CACNA1E: variants seen among roughly 807,000 people sequenced by gnomAD.
The protein encoded by CACNA1E is calcium voltage-gated channel subunit alpha1 E.
Under a neutral mutation model 259.2 loss-of-function variants are expected in CACNA1E, and 40 were observed. The observed-to-expected ratio is 0.15, with a 90% CI of 0.12 to 0.20. The LOEUF (loss-of-function observed/expected upper bound fraction) is 0.20. Ranked by LOEUF, CACNA1E falls within the 10% of genes least tolerant of loss-of-function variation. The pLI is 1.00. For synonymous variants in CACNA1E, 1,104 were observed against 1,138.5 expected, an observed-to-expected ratio of 0.97 and a Z score of 0.61; for missense variants, 1,874 against 3,040.1, an observed-to-expected ratio of 0.62 and a Z score of 9.02.
At chr1:181,544,412 C>A (rs537841573) in intron 3 of CACNA1E, among the ~76,000 whole-genome samples, 158 of 141,308 alleles carry the variant, frequency 1.1e-3, no homozygotes, top group Admixed American at 4.2e-3. Flanking sequence ...AAAAAAAAAA[C>A]CCCACTGAAT....
chr1:181,678,972 A>C (rs894205843), intron 7 of CACNA1E, among the ~76,000 whole-genome samples: 2 of 152,200 alleles, frequency 1.3e-5, no homozygotes, highest in Admixed American at 6.5e-5. Context: ...AAGGCTTTTT[A>C]AGAGCCTCTA....
At chr1:181,797,023 C>T (rs567704706) in intron 47 of CACNA1E, among the ~76,000 whole-genome samples, 165 bp downstream of exon 47, 1 of 152,338 alleles carries the variant, frequency 6.6e-6, no homozygotes, top group South Asian at 2.1e-4. Context: ...CTGCTCAATG[C>T]TTGTGTACTC....
chr1:181,318,183 T>A (rs1004060745), intron 1 of CACNA1E: 2 of 152,298 alleles, frequency 1.3e-5, no homozygotes, highest in Middle Eastern at 6.8e-3. Context: ...ATGCACTGCC[T>A]GCGGGGCTGC....
At chr1:181,397,287 G>A (rs1204072126) in intron 1 of CACNA1E, among the ~76,000 whole-genome samples, 1 of 152,140 alleles carries the variant, frequency 6.6e-6, no homozygotes, top group African/African-American at 2.4e-5. Context: ...TGGGAACTCT[G>A]TCCTGAACCC....
chr1:181,334,157 C>G (rs1040799027), intron 1 of CACNA1E, among the ~76,000 whole-genome samples: 1 of 152,144 alleles, frequency 6.6e-6, no homozygotes, highest in Non-Finnish European at 1.5e-5. Context: ...TCTTGAGATA[C>G]TTGACCTAAT....
At position 181,801,642 on chromosome 1, in the gene CACNA1E, C is replaced by G. The variant is rs1000159128; in HGVS notation, c.*2808C>G. ...AAAAGTGAATGCCAGCCTTCCCTTG[C>G]TGGGTGTCAGAGTCTGCCTCCCTTG... On this transcript the variant is annotated 3_prime_UTR_variant, in exon 48 of 48. Coordinates refer to ENST00000367573, the MANE Select transcript of CACNA1E (RefSeq NM_001205293.3). 6.6e-6 allele frequency: 1 copy of G among 152,208 alleles called. No homozygotes were observed. 9.4% of individuals were successfully genotyped at this position (152,208 alleles called of 1,614,324 possible). A position where few individuals can be genotyped will look rare whatever the true frequency, so the allele number is the denominator to read the frequency against.
intron 1 of CACNA1E, among the ~76,000 whole-genome samples, chr1:181,492,999 C>T (rs1385239038): frequency 6.6e-6 from 1 of 152,098 alleles, no homozygotes; most frequent in Non-Finnish European, 1.5e-5. Context: ...GTCTAGATGG[C>T]ATCTAGATGA....
At chr1:181,698,818 G>A (rs1249074765) in intron 7 of CACNA1E, among the ~76,000 whole-genome samples, 1 of 152,144 alleles carries the variant, frequency 6.6e-6, no homozygotes, top group South Asian at 2.1e-4. Context: ...CTGTAAGACA[G>A]GCTTAAAGAA....
intron 3 of CACNA1E, among the ~76,000 whole-genome samples, chr1:181,523,588 T>C (rs562130364): frequency 6.6e-6 from 1 of 152,294 alleles, no homozygotes; most frequent in South Asian, 2.1e-4. Context: ...TCCATCTGCA[T>C]AGAAAAAGGA....
intron 1 of CACNA1E, among the ~76,000 whole-genome samples, chr1:181,375,737 C>T (rs1364301688): frequency 1.3e-5 from 2 of 152,160 alleles, no homozygotes; most frequent in African/African-American, 4.8e-5. Flanking sequence ...AGCCCCCCTT[C>T]CCCTCCTCCG....
chr1:181,701,426 G>T (rs1254465134), intron 7 of CACNA1E, among the ~76,000 whole-genome samples: 1 of 152,198 alleles, frequency 6.6e-6, no homozygotes. Context: ...TTACTTCCCT[G>T]TGGCTCATTC....
chr1:181,550,169 C>G (rs1195261204), intron 3 of CACNA1E, among the ~76,000 whole-genome samples: 2 of 151,786 alleles, frequency 1.3e-5, no homozygotes, highest in Non-Finnish European at 2.9e-5. Flanking sequence ...GGGACAGATA[C>G]AAAAAATACT....
At chr1:181,761,962 A>G (rs1226229125) in intron 32 of CACNA1E, among the ~76,000 whole-genome samples, 1 of 152,176 alleles carries the variant, frequency 6.6e-6, no homozygotes, top group Admixed American at 6.5e-5. Context: ...GATGAAGTCT[A>G]TTTATCCTAT....
intron 21 of CACNA1E, among the ~76,000 whole-genome samples, chr1:181,734,330 T>A (rs1365367716): frequency 6.6e-6 from 1 of 152,046 alleles, no homozygotes. Flanking sequence ...CACAGTTCCC[T>A]TAGGCAACAA....
chr1:181,598,276 A>C (rs906949737), intron 6 of CACNA1E, among the ~76,000 whole-genome samples: 2 of 152,126 alleles, frequency 1.3e-5, no homozygotes, highest in African/African-American at 2.4e-5. Flanking sequence ...CCTCAGGGAG[A>C]CAAGACATGC....
In CACNA1E at chr1:181,334,888, C is replaced by T. The variant is rs369240852; in HGVS notation, c.-15+16765C>T. Among the ~76,000 whole-genome samples the T allele has an allele frequency of 6.6e-5, 10 of 152,316 alleles. No homozygotes were observed. In the South Asian group the frequency reaches 2.1e-3, roughly 32 times the overall value. On this transcript the variant is annotated intron_variant, in intron 1 of 11. Transcript: ENST00000524607. Reference sequence around the variant, plus strand: ...GTAGAAGTTAGAGCCTTAAAATGGCCTATGGAGCCCTGCAGGGTCTGAGAG... The same window carrying T: ...GTAGAAGTTAGAGCCTTAAAATGGCTTATGGAGCCCTGCAGGGTCTGAGAG...
intron 1 of CACNA1E, among the ~76,000 whole-genome samples, chr1:181,356,341 C>CGTGTGTGT (rs141071408): frequency 2.0e-5 from 3 of 146,976 alleles, no homozygotes; most frequent in South Asian, 2.1e-4. Context: ...GCCTTCTATT[C>CGTGTGTGT]GTGTGTGTGT....
At chr1:181,444,136 C>T (rs1332119631) in intron 2 of CACNA1E, among the ~76,000 whole-genome samples, 1 of 152,046 alleles carries the variant, frequency 6.6e-6, no homozygotes, top group Non-Finnish European at 1.5e-5. Flanking sequence ...CTCCATTGTT[C>T]CAAGTAATTC....
rs112108090 is a variant in CACNA1E, at chr1:181,494,988, C to T, written c.266+10978C>T. 3.7e-3 allele frequency among the ~76,000 whole-genome samples: 558 copies of T among 152,214 alleles called. 2 individuals carry two copies. Among genetic ancestry groups the T allele is most frequent in the African/African-American group, 0.013 (529 of 41,530 alleles). On this transcript the variant is annotated intron_variant, in intron 1 of 47. Coordinates refer to ENST00000367573, the MANE Select transcript of CACNA1E (RefSeq NM_001205293.3). ...ATTTTGTCTGTAAAAATATTGTACG[C>T]GATATTCTTGTCACATGCTTTACTG...
Sources: allele counts gnomAD v4.1 joint callset (sites outside exome capture counted in the v4.1 genomes callset), GRCh38; gene constraint gnomAD v4.1.1; transcripts MANE v1.5; gene names NCBI Gene and HGNC (gene_info 2026-07-23, HGNC 2026-07-21).